NEURL4: variants seen among roughly 807,000 people sequenced by gnomAD.
NEURL4 encodes the protein neuralized E3 ubiquitin protein ligase 4.
In NEURL4, 45 loss-of-function variants were observed where a neutral mutation model predicts 148.0. The observed-to-expected ratio is 0.30, with a 90% CI of 0.24 to 0.39. NEURL4 has a LOEUF of 0.39. Ranked by LOEUF, NEURL4 falls within the 10% of genes least tolerant of loss-of-function variation. The pLI is 1.00. For synonymous variants in NEURL4, 854 were observed against 869.0 expected, an observed-to-expected ratio of 0.98 and a Z score of 0.30; for missense variants, 1,776 against 2,144.0, an observed-to-expected ratio of 0.83 and a Z score of 3.39.
chr17:7,323,375 A>T, intron 14 of NEURL4, 110 bp downstream of exon 14: 1 of 1,135,752 alleles, frequency 8.8e-7, no homozygotes, highest in East Asian at 2.4e-5. Flanking sequence ...GGACAGGTAG[A>T]TCCCCTAGGT....
rs2143011490 is a variant in NEURL4 at position 7,318,361 on chromosome 17, A to AG, written c.3865-6dup. ...CTCAGGGTTCACGATTGTCACCTGC[A>AG]GGGGAGAGGGTAGTCAGACAGAGCT... is the stretch of plus-strand genomic sequence containing the variant. On this transcript the variant is annotated splice_polypyrimidine_tract_variant and splice_region_variant and intron_variant, in intron 23 of 28. Coordinates refer to ENST00000399464, the MANE Select transcript of NEURL4 (RefSeq NM_032442.3). The surrounding 1 kb of genome is among the most constrained non-coding windows in gnomAD (Gnocchi z 4.3). 1 of 1,613,946 alleles carries AG rather than the reference A, an allele frequency of 6.2e-7. No individual in the cohort carries two copies. The highest frequency in any genetic ancestry group is 2.2e-5 in the East Asian group (1 of 44,878).
chr17:7,321,063 C>G lies in NEURL4; in HGVS notation c.3360+49G>C. On this transcript the variant is annotated intron_variant, in intron 20 of 28. Coordinates refer to ENST00000399464, the MANE Select transcript of NEURL4 (RefSeq NM_032442.3). This position sits in a 1 kb window ranked among gnomAD's most constrained non-coding sequence, Gnocchi z 6.3. ...AGAAAAGGCCTGGCATCCAACGGCC[C>G]AGCAACTGCCCATCCATGTGCACAG... 1 of 1,600,948 alleles carries G rather than the reference C, an allele frequency of 6.2e-7. No individual in the cohort carries two copies. The highest frequency in any genetic ancestry group is 8.5e-7 in the Non-Finnish European group (1 of 1,171,644).
Position 7,317,795 on chromosome 17 carries a change from T to G in NEURL4, c.4198A>C (p.Asn1400His). 1 of 1,613,518 alleles carries G rather than the reference T, an allele frequency of 6.2e-7. No individual in the cohort carries two copies. The highest frequency in any genetic ancestry group is 8.5e-7 in the Non-Finnish European group (1 of 1,180,010). Reference sequence around the variant, plus strand: ...GACCTTGCCCATATGTACCTGAGGTTGAACCTGCACCAGCCAAAGGGCAGT... The same window carrying G: ...GACCTTGCCCATATGTACCTGAGGTGGAACCTGCACCAGCCAAAGGGCAGT... Reference protein sequence around the residue: ...YALPFGWCRFNLRVNPRLEAG... With the variant: ...YALPFGWCRFHLRVNPRLEAG... The change falls in exon 26 of 29, where the codon AAC (asparagine) becomes CAC (histidine). Residue 1400 changes from asparagine to histidine, a missense_variant. Coordinates refer to ENST00000399464, the MANE Select transcript of NEURL4 (RefSeq NM_032442.3).
In NEURL4 at chr17:7,329,239, G is replaced by A. The variant is rs1567624352; in HGVS notation, c.74C>T (p.Pro25Leu). The A allele has an allele frequency of 6.6e-7, 1 of 1,506,704 alleles. No homozygotes were observed. The highest frequency in any genetic ancestry group is 2.1e-5 in the Admixed American group (1 of 47,116). 93.3% of individuals were successfully genotyped at this position (1,506,704 alleles called of 1,614,324 possible). A position where few individuals can be genotyped will look rare whatever the true frequency, so the allele number is the denominator to read the frequency against. The change falls in exon 1 of 29, where the codon CCC becomes CTC. Residue 25 changes from proline to leucine, a missense_variant. By Grantham distance (98) the Pro-to-Leu change is moderately conservative. Coordinates refer to ENST00000399464, the MANE Select transcript of NEURL4 (RefSeq NM_032442.3). The part of the protein sequence containing the change: ...PGPGPGGGGG[P>L]SGSGSGPGSN... ...CCCCGGTCCTGAGCCGCTCCCGCTG[G>A]GGCCCCCACCCCCGCCCGGCCCCGG...
At chr17:7,316,690 G>A (rs1211234430) in intron 28 of NEURL4, among the ~76,000 whole-genome samples, 1 of 152,210 alleles carries the variant, frequency 6.6e-6, no homozygotes, top group Non-Finnish European at 1.5e-5. Flanking sequence ...TTGGGAGGCC[G>A]AGGTGGGCGG....
chr17:7,321,188 G>A lies in NEURL4; in HGVS notation c.3284C>T (p.Thr1095Ile), dbSNP rs762596443. The part of the protein sequence containing the change: ...SSTRLEESEG[T>I]QPPSPSSDTG... Reference sequence around the variant, plus strand: ...GTCTGAACTGGGGGAAGGAGGCTGGGTGCCTTCTGACTCCTCCAGTCTCGT... The same window carrying A: ...GTCTGAACTGGGGGAAGGAGGCTGGATGCCTTCTGACTCCTCCAGTCTCGT... Residue 1095 changes from threonine to isoleucine, a missense_variant, in exon 20 of 29, where the codon ACC (threonine) becomes ATC (isoleucine). Thr to Ile is a moderately conservative substitution (Grantham distance 89). Coordinates refer to ENST00000399464, the MANE Select transcript of NEURL4 (RefSeq NM_032442.3). This position sits in a 1 kb window ranked among gnomAD's most constrained non-coding sequence, Gnocchi z 6.3. The A allele has an allele frequency of 1.4e-5, 23 of 1,613,902 alleles. No homozygotes were observed. The highest frequency in any genetic ancestry group is 1.9e-5 in the Non-Finnish European group (23 of 1,180,002).
At position 7,324,139 on chromosome 17, in the gene NEURL4, C is replaced by G; in HGVS notation, c.2031G>C (p.Gln677His). 1 of 1,613,578 alleles carries G rather than the reference C, an allele frequency of 6.2e-7. No homozygotes were observed. Among genetic ancestry groups the G allele is most frequent in the South Asian group, 1.1e-5 (1 of 91,092 alleles). ...CGTCCACAATGGTGGCCTGGGCCGCCTGGCCATAGAGATCGACGACAGCAT... is the reference window on the plus strand; with the variant it reads ...CGTCCACAATGGTGGCCTGGGCCGCGTGGCCATAGAGATCGACGACAGCAT... ...GVYAVVDLYGQAAQATIVDDV... is the reference protein window; with the variant it reads ...GVYAVVDLYGHAAQATIVDDV... Residue 677 changes from glutamine to histidine, a missense_variant, in exon 11 of 29, where the codon CAG becomes CAC. Gln to His is a conservative substitution (Grantham distance 24, BLOSUM62 0). Transcript: ENST00000399464. The surrounding 1 kb of genome is among the most constrained non-coding windows in gnomAD (Gnocchi z 5.9).
Position 7,315,828 on chromosome 17 carries a change from T to G in NEURL4, c.*295A>C. Reference sequence around the variant, plus strand: ...AAAAACGGAAATAAATTAAGTGATGTGGGGTAGGGGAGTAAAAGGGAGTCA... The same window carrying G: ...AAAAACGGAAATAAATTAAGTGATGGGGGGTAGGGGAGTAAAAGGGAGTCA... On this transcript the variant is annotated 3_prime_UTR_variant, in exon 29 of 29. Coordinates refer to ENST00000399464, the MANE Select transcript of NEURL4 (RefSeq NM_032442.3). 2 of 506,980 alleles carry G rather than the reference T, an allele frequency of 3.9e-6. No homozygotes were observed. Among genetic ancestry groups the G allele is most frequent in the Non-Finnish European group, 7.0e-6 (2 of 287,310 alleles). 31.4% of individuals were successfully genotyped at this position (506,980 alleles called of 1,614,324 possible). A position where few individuals can be genotyped will look rare whatever the true frequency, so the allele number is the denominator to read the frequency against.
At chr17:7,317,990 A>G in intron 25 of NEURL4, 58 bp from the exon 26 acceptor site, 1 of 1,613,342 alleles carries the variant, frequency 6.2e-7, no homozygotes. Context: ...CCACAGTGGC[A>G]CCCTCCAGCT....
In NEURL4 at chr17:7,315,863, A is replaced by T; in HGVS notation, c.*260T>A. ...GAGTAAAAGGGAGTCATGTTCCCCA[A>T]ATCAGTGCATGAAGAGGGGTACCAG... On this transcript the variant is annotated 3_prime_UTR_variant, in exon 29 of 29. Transcript: ENST00000399464. The T allele has an allele frequency of 1.7e-6, 1 of 575,938 alleles. No individual in the cohort carries two copies. The highest frequency in any genetic ancestry group is 2.2e-5 in the South Asian group (1 of 45,652). 35.7% of individuals were successfully genotyped at this position (575,938 alleles called of 1,614,324 possible).
intron 28 of NEURL4, among the ~76,000 whole-genome samples, chr17:7,316,874 G>T (rs1304724194): frequency 6.6e-6 from 1 of 151,968 alleles, no homozygotes; most frequent in African/African-American, 2.4e-5. Context: ...GTGAGATCAC[G>T]CCACTGCACT....
In NEURL4 at chr17:7,326,414, C is replaced by G. The variant is rs1290901770; in HGVS notation, c.1204+23G>C. ...CCTCAGCAACACCAGGCCTGCACCC[C>G]CGCCCCTGCCCGGGGCTGGTACCTG... On this transcript the variant is annotated intron_variant, in intron 5 of 28. Coordinates refer to ENST00000399464, the MANE Select transcript of NEURL4 (RefSeq NM_032442.3). This position sits in a 1 kb window ranked among gnomAD's most constrained non-coding sequence, Gnocchi z 6.0. 6.2e-7 allele frequency: 1 copy of G among 1,613,626 alleles called. No homozygotes were observed. Among genetic ancestry groups the G allele is most frequent in the Non-Finnish European group, 8.5e-7 (1 of 1,179,650 alleles).
At chr17:7,328,789 G>A (rs1042471744) in intron 1 of NEURL4, among the ~76,000 whole-genome samples, 1 of 152,186 alleles carries the variant, frequency 6.6e-6, no homozygotes, top group African/African-American at 2.4e-5. Context: ...CCATTCTAGT[G>A]GGTTAGCCCT....
At position 7,327,826 on chromosome 17, in the gene NEURL4, A is replaced by G; in HGVS notation, c.341T>C (p.Leu114Pro). 2 of 1,613,834 alleles carry G rather than the reference A, an allele frequency of 1.2e-6. No individual in the cohort carries two copies. The highest frequency in any genetic ancestry group is 1.7e-6 in the Non-Finnish European group (2 of 1,179,982). The change falls in exon 2 of 29, where the codon CTG becomes CCG. Residue 114 changes from leucine (L) to proline (P), a missense_variant. Transcript: ENST00000399464. The surrounding 1 kb of genome is among the most constrained non-coding windows in gnomAD (Gnocchi z 6.6). ...IGVTALDPSV[L>P]DFPSSATGLK... ...GCCCGTGGCACTGCTTGGAAAGTCCAGCACACTGGGGTCCAGCGCTGTCAC... is the reference window on the plus strand; with the variant it reads ...GCCCGTGGCACTGCTTGGAAAGTCCGGCACACTGGGGTCCAGCGCTGTCAC...
chr17:7,325,496 T>C (rs750753090), intron 7 of NEURL4, 23 bp from the exon 8 acceptor site: 1 of 1,604,172 alleles, frequency 6.2e-7, no homozygotes, highest in Non-Finnish European at 8.5e-7. Context: ...GGTACGGGGG[T>C]GTGGGAGTGG....
chr17:7,323,024 A>G lies in NEURL4; in HGVS notation c.2517T>C (p.Thr839=), dbSNP rs2143012660. The change falls in exon 15 of 29, where the codon ACT becomes ACC. Residue 839 remains threonine (T), a synonymous_variant. Transcript: ENST00000399464. ...TGAAGTAGTGCAGGTCGCCCTTGGC[A>G]GTTCGCATCATGCCAATGCGTGCAC... is the stretch of plus-strand genomic sequence containing the variant. ...GTGARIGMMR[T]AKGDLHYFIN... 1 of 1,613,774 alleles carries G rather than the reference A, an allele frequency of 6.2e-7. No individual in the cohort carries two copies. Among genetic ancestry groups the G allele is most frequent in the African/African-American group, 1.3e-5 (1 of 75,038 alleles).
Position 7,322,713 on chromosome 17 carries a change from A to G in NEURL4, c.2725+22T>C, listed in dbSNP as rs1279997829. 4 of 1,605,660 alleles carry G rather than the reference A, an allele frequency of 2.5e-6. No homozygotes were observed. In the African/African-American group the frequency reaches 4.0e-5, roughly 16 times the overall value. ...CACAGCAGGCAAGCAGAGCCCGTCC[A>G]GCCCCCGCCCTGCTGCCGCACCTGG... On this transcript the variant is annotated intron_variant, in intron 16 of 28. Coordinates refer to ENST00000399464, the MANE Select transcript of NEURL4 (RefSeq NM_032442.3). This position sits in a 1 kb window ranked among gnomAD's most constrained non-coding sequence, Gnocchi z 5.5.
In NEURL4 at chr17:7,327,145, G is replaced by C; in HGVS notation, c.793+20C>G. The C allele has an allele frequency of 6.2e-7, 1 of 1,611,004 alleles. No homozygotes were observed. Among genetic ancestry groups the C allele is most frequent in the South Asian group, 1.1e-5 (1 of 90,914 alleles). On this transcript the variant is annotated intron_variant, in intron 3 of 28. Coordinates refer to ENST00000399464, the MANE Select transcript of NEURL4 (RefSeq NM_032442.3). The surrounding 1 kb of genome is among the most constrained non-coding windows in gnomAD (Gnocchi z 6.6). ...CCTCACTTCCCACTCCCCTTCCCAG[G>C]GCCTCCCCAAAGCCCTCACCATTAT...
At chr17:7,317,438 T>A in intron 27 of NEURL4, 23 bp downstream of exon 27, 1 of 1,612,964 alleles carries the variant, frequency 6.2e-7, no homozygotes, top group Non-Finnish European at 8.5e-7. Context: ...CAGCCCACCT[T>A]GCATGGGCCT....
Sources: gnomAD v4.1 joint callset for allele counts (sites outside exome capture counted in the v4.1 genomes callset) on GRCh38, gnomAD v4.1.1 for gene constraint, Gnocchi (gnomAD v3.1) non-coding constraint, MANE v1.5 for transcripts, NCBI Gene and HGNC (gene_info 2026-07-23, HGNC 2026-07-21) for gene names.